TACR3: variants seen among roughly 807,000 people sequenced by gnomAD.
TACR3 encodes the protein tachykinin receptor 3.
In TACR3, 34 loss-of-function variants were observed where a neutral mutation model predicts 35.0. The observed-to-expected ratio is 0.97, with a 90% CI of 0.74 to 1.30. TACR3 has a LOEUF of 1.30. Among genes scored for constraint, TACR3 ranks in the 50% most tolerant of loss-of-function variants. The pLI is 0.00. For synonymous variants in TACR3, 233 were observed against 221.1 expected, an observed-to-expected ratio of 1.05 and a Z score of -0.48; for missense variants, 558 against 591.7, an observed-to-expected ratio of 0.94 and a Z score of 0.59.
At chr4:103,614,884 G>GGTTTTTTTTTTTTT (rs1724601041) in intron 3 of TACR3, among the ~76,000 whole-genome samples, 1 of 72,006 alleles carries the variant, frequency 1.4e-5, no homozygotes, top group Non-Finnish European at 2.6e-5. Context: ...TTATGAATGT[G>GGTTTTTTTTTTTTT]TTTTTTTTTT....
chr4:103,674,282 A>G (rs1313502052), intron 1 of TACR3, among the ~76,000 whole-genome samples: 2 of 152,166 alleles, frequency 1.3e-5, no homozygotes, highest in East Asian at 3.9e-4. Context: ...TCCAGAGCAC[A>G]ATGAATTGTC....
At chr4:103,629,923 TACTTG>T (rs113704315) in intron 3 of TACR3, among the ~76,000 whole-genome samples, 8,198 of 146,526 alleles carry the variant, frequency 0.056, 309 homozygotes, top group African/African-American at 0.1. Flanking sequence ...GGCATCACGC[TACTTG>T]ACTTCAAACT....
intron 1 of TACR3, among the ~76,000 whole-genome samples, chr4:103,707,913 C>G (rs1334189090): frequency 6.6e-6 from 1 of 152,202 alleles, no homozygotes; most frequent in Non-Finnish European, 1.5e-5. Flanking sequence ...GCTAGCACAG[C>G]AGTCTGAGAT....
intron 1 of TACR3, among the ~76,000 whole-genome samples, chr4:103,709,530 T>G (rs1441892548): frequency 6.6e-6 from 1 of 152,132 alleles, no homozygotes; most frequent in Non-Finnish European, 1.5e-5. Flanking sequence ...AAGGAGCAAC[T>G]GGTAGCAGCC....
At chr4:103,711,982 A>G (rs916625024) in intron 1 of TACR3, among the ~76,000 whole-genome samples, 115 of 152,298 alleles carry the variant, frequency 7.6e-4, no homozygotes, top group Admixed American at 3.7e-3. Context: ...CCACTGCTCA[A>G]TGACATAAAA....
chr4:103,621,886 A>C (rs1724788727), intron 3 of TACR3, among the ~76,000 whole-genome samples: 2 of 152,246 alleles, frequency 1.3e-5, no homozygotes, highest in South Asian at 4.1e-4. Context: ...GTAGATTTGA[A>C]AGTAATTTTT....
At chr4:103,609,753 C>G (rs1211361607) in intron 3 of TACR3, among the ~76,000 whole-genome samples, 3 of 152,018 alleles carry the variant, frequency 2.0e-5, no homozygotes, top group Non-Finnish European at 4.4e-5. Flanking sequence ...CTCTCCCCAT[C>G]CCCTCTCCTG....
intron 3 of TACR3, among the ~76,000 whole-genome samples, chr4:103,624,005 A>G (rs1462447041): frequency 1.3e-5 from 2 of 152,146 alleles, no homozygotes; most frequent in Admixed American, 6.5e-5. Flanking sequence ...TTTCACTATC[A>G]CTCATCAGTT....
At chr4:103,692,348 A>T (rs1449922696) in intron 1 of TACR3, among the ~76,000 whole-genome samples, 1 of 152,174 alleles carries the variant, frequency 6.6e-6, no homozygotes, top group Non-Finnish European at 1.5e-5. Context: ...GATAAAAGGG[A>T]TCAGTTCACA....
At chr4:103,632,675 A>G (rs993048040) in intron 3 of TACR3, among the ~76,000 whole-genome samples, 2 of 147,604 alleles carry the variant, frequency 1.4e-5, no homozygotes, top group Non-Finnish European at 2.9e-5. Flanking sequence ...AGAAATAAAG[A>G]AAAAGAAATA....
chr4:103,604,709 A>G (rs1234815976), intron 3 of TACR3, among the ~76,000 whole-genome samples: 1 of 152,180 alleles, frequency 6.6e-6, no homozygotes, highest in East Asian at 1.9e-4. Context: ...AAACACCACC[A>G]TCAAAAAGTG....
At chr4:103,641,844 G>T (rs1338103888) in intron 3 of TACR3, among the ~76,000 whole-genome samples, 2 of 151,856 alleles carry the variant, frequency 1.3e-5, no homozygotes, top group Admixed American at 6.6e-5. Flanking sequence ...GAACCTGAAG[G>T]ACATTATGCT....
At chr4:103,654,837 AG>A (rs1725699735) in intron 3 of TACR3, among the ~76,000 whole-genome samples, 1 of 152,146 alleles carries the variant, frequency 6.6e-6, no homozygotes, top group South Asian at 2.1e-4. Flanking sequence ...AATTATCCCA[AG>A]AAAAGAGTAT....
chr4:103,625,218 G>A (rs1208314352), intron 3 of TACR3, among the ~76,000 whole-genome samples: 1 of 151,960 alleles, frequency 6.6e-6, no homozygotes, highest in African/African-American at 2.4e-5. Flanking sequence ...GTTTACATAG[G>A]CAATGATAAA....
intron 3 of TACR3, among the ~76,000 whole-genome samples, chr4:103,604,732 G>A (rs982942163): frequency 1.3e-5 from 2 of 152,020 alleles, no homozygotes; most frequent in African/African-American, 4.8e-5. Flanking sequence ...CAAAGGATAT[G>A]AAGAGACACT....
intron 1 of TACR3, among the ~76,000 whole-genome samples, chr4:103,663,026 T>A (rs1725862675): frequency 6.6e-6 from 1 of 152,198 alleles, no homozygotes; most frequent in Non-Finnish European, 1.5e-5. Flanking sequence ...GATACTGCAA[T>A]TGATACACAG....
Position 103,693,147 on chromosome 4 carries a change from C to T in TACR3, c.548+25981G>A, listed in dbSNP as rs74328954. On this transcript the variant is annotated intron_variant, in intron 1 of 4. Coordinates refer to ENST00000304883, the MANE Select transcript of TACR3 (RefSeq NM_001059.3). The stretch of plus-strand genomic sequence containing the variant: ...GCAAATATATATGCATACATTATAT[C>T]ATTATGGTTTTTATCTGTAATCTCT... Among the ~76,000 whole-genome samples, 1,237 of 152,124 alleles carry T rather than the reference C, an allele frequency of 8.1e-3. 20 individuals carry two copies. The highest frequency in any genetic ancestry group is 0.029 in the African/African-American group (1,184 of 41,516).
intron 3 of TACR3, among the ~76,000 whole-genome samples, chr4:103,654,023 C>T (rs868658519): frequency 0.014 from 1,965 of 136,070 alleles, 47 homozygotes; most frequent in African/African-American, 0.063. Context: ...GTTAGAATGG[C>T]GAGCATTAAA....
intron 1 of TACR3, among the ~76,000 whole-genome samples, chr4:103,705,856 T>C (rs144647015): frequency 3.9e-4 from 59 of 152,296 alleles, no homozygotes; most frequent in Middle Eastern, 3.4e-3. Context: ...AATTATCTAA[T>C]GAAATTTTAC....
Sources: gnomAD v4.1 joint callset for allele counts (sites outside exome capture counted in the v4.1 genomes callset) on GRCh38, gnomAD v4.1.1 for gene constraint, MANE v1.5 for transcripts, NCBI Gene and HGNC (gene_info 2026-07-23, HGNC 2026-07-21) for gene names.